The following WARS2 variants were observed in gnomAD, a reference collection of about 807,000 sequenced individuals.
WARS2 encodes the protein tryptophanyl tRNA synthetase 2, mitochondrial.
A neutral mutation model predicts 36.5 loss-of-function variants in WARS2; 28 were observed. The observed-to-expected ratio is 0.77, with a 90% CI of 0.57 to 1.05. The LOEUF (loss-of-function observed/expected upper bound fraction) is 1.05. WARS2 is among the 50% of genes least tolerant of loss of function. The pLI is 0.00. For synonymous variants in WARS2, 174 were observed against 178.4 expected, an observed-to-expected ratio of 0.98 and a Z score of 0.20; for missense variants, 435 against 456.8, an observed-to-expected ratio of 0.95 and a Z score of 0.44.
chr1:119,072,837 TC>T (rs1190464672), intron 2 of WARS2, among the ~76,000 whole-genome samples: 1 of 123,966 alleles, frequency 8.1e-6, no homozygotes, highest in Non-Finnish European at 1.8e-5. Flanking sequence ...ATGTGTGGTA[TC>T]TGCTTTGAAA....
At chr1:119,106,924 C>G (rs1001726149) in intron 1 of WARS2, among the ~76,000 whole-genome samples, 3 of 152,162 alleles carry the variant, frequency 2.0e-5, no homozygotes, top group Admixed American at 6.6e-5. Flanking sequence ...GCATTCCCAC[C>G]ATCTGTGAAT....
chr1:119,073,721 C>T (rs372255764), intron 2 of WARS2, among the ~76,000 whole-genome samples: 2 of 152,174 alleles, frequency 1.3e-5, no homozygotes, highest in East Asian at 3.8e-4. Flanking sequence ...GAAGTCTTTA[C>T]AAAGTCTCCC....
chr1:119,119,719 C>A (rs1461093116), intron 1 of WARS2, among the ~76,000 whole-genome samples: 3 of 151,992 alleles, frequency 2.0e-5, no homozygotes, highest in African/African-American at 7.2e-5. Context: ...CTCTCTCAGA[C>A]CACAGTGGAA....
intron 1 of WARS2, 132 bp downstream of exon 1, chr1:119,140,423 G>T: frequency 4.1e-6 from 3 of 739,544 alleles, no homozygotes; most frequent in Non-Finnish European, 6.6e-6. Context: ...AGTCATAGAC[G>T]AGTAGACCTT....
chr1:119,110,094 C>CAT (rs751704762), intron 1 of WARS2, among the ~76,000 whole-genome samples: 6 of 151,782 alleles, frequency 4.0e-5, no homozygotes, highest in Non-Finnish European at 8.8e-5. Flanking sequence ...CATAAATAAG[C>CAT]ATATATATAT....
chr1:119,045,344 TAACTCTGATTC>T (rs1648703236), intron 3 of WARS2, among the ~76,000 whole-genome samples: 1 of 152,200 alleles, frequency 6.6e-6, no homozygotes, highest in African/African-American at 2.4e-5. Flanking sequence ...TATCCAAAGG[TAACTCTGATTC>T]AACTGTACAC....
chr1:119,085,195 CCCT>C, intron 1 of WARS2: 1 of 816,102 alleles, frequency 1.2e-6, no homozygotes, highest in Non-Finnish European at 2.2e-6. Flanking sequence ...TCTCTTGCCT[CCCT>C]CCTGCTTGAG....
At chr1:119,140,017 G>C (rs915182118) in intron 1 of WARS2, 1 of 152,510 alleles carries the variant, frequency 6.6e-6, no homozygotes, top group Admixed American at 6.5e-5. Flanking sequence ...CAGCCTGCTA[G>C]ATAGAGCAGT....
intron 2 of WARS2, among the ~76,000 whole-genome samples, chr1:119,049,292 A>G (rs1394970610): frequency 6.6e-6 from 1 of 151,972 alleles, no homozygotes. Flanking sequence ...GGGGAAAACC[A>G]TCTCCCTTCT....
chr1:119,077,137 CA>C (rs59753812), intron 1 of WARS2, among the ~76,000 whole-genome samples: 31 of 96,848 alleles, frequency 3.2e-4, no homozygotes, highest in African/African-American at 6.0e-4. Flanking sequence ...GACCCCGTCT[CA>C]AAAAAAAAAA....
At chr1:119,134,344 A>C (rs1166629024) in intron 1 of WARS2, among the ~76,000 whole-genome samples, 3 of 148,670 alleles carry the variant, frequency 2.0e-5, no homozygotes, top group Non-Finnish European at 4.5e-5. Flanking sequence ...AAAAAAAACA[A>C]AGACAAAAAC....
chr1:119,054,811 A>G lies in WARS2; in HGVS notation c.349-9149T>C, dbSNP rs182616509. Among the ~76,000 whole-genome samples, 24 of 152,334 alleles carry G rather than the reference A, an allele frequency of 1.6e-4. No homozygotes were observed. In the East Asian group the frequency reaches 3.7e-3, roughly 23 times the overall value. ...ATAAACCAGCCACAAAAAGACCAAT[A>G]TTGTATGATTTATCTGTATGAGGTA... On this transcript the variant is annotated intron_variant, in intron 2 of 5. Transcript: ENST00000235521.
chr1:119,068,310 A>G (rs1328822422), intron 2 of WARS2, among the ~76,000 whole-genome samples: 1 of 152,212 alleles, frequency 6.6e-6, no homozygotes, highest in Admixed American at 6.5e-5. Context: ...CCTCTGAGAC[A>G]AGGGACAGTT....
chr1:119,057,040 A>C (rs1264065130), intron 2 of WARS2, among the ~76,000 whole-genome samples: 2 of 152,188 alleles, frequency 1.3e-5, no homozygotes, highest in African/African-American at 4.8e-5. Context: ...TAGTATTCTC[A>C]GTATCTTTAA....
intron 4 of WARS2, among the ~76,000 whole-genome samples, chr1:119,040,906 G>A (rs1339894586): frequency 1.3e-5 from 2 of 152,074 alleles, no homozygotes; most frequent in Non-Finnish European, 2.9e-5. Flanking sequence ...GGAGAATATT[G>A]TTCTAGCCTT....
At chr1:119,090,549 C>T (rs587757024) in intron 1 of WARS2, among the ~76,000 whole-genome samples, 14 of 152,124 alleles carry the variant, frequency 9.2e-5, no homozygotes, top group Admixed American at 3.9e-4. Context: ...TTTTAAAAAA[C>T]GCATGTCATT....
chr1:119,131,458 G>GTTTTTTTTTTTTTTTTTTTTTTTT (rs761800862), intron 1 of WARS2, among the ~76,000 whole-genome samples: 1 of 134,302 alleles, frequency 7.4e-6, no homozygotes, highest in South Asian at 2.4e-4. Context: ...AAAGTTTTTT[G>GTTTTTTTTTTTTTTTTTTTTTTTT]TTTTTTGTTT....
At chr1:119,123,953 T>C (rs1304316302) in intron 1 of WARS2, among the ~76,000 whole-genome samples, 1 of 152,316 alleles carries the variant, frequency 6.6e-6, no homozygotes, top group East Asian at 1.9e-4. Flanking sequence ...TCTAACTGCC[T>C]ACCTGACATT....
At chr1:119,100,500 C>T (rs1014761100) in intron 1 of WARS2, among the ~76,000 whole-genome samples, 1 of 152,206 alleles carries the variant, frequency 6.6e-6, no homozygotes, top group African/African-American at 2.4e-5. Context: ...CGCATGTTTA[C>T]TGCAGCACTA....
Sources: gnomAD v4.1 joint callset for allele counts (sites outside exome capture counted in the v4.1 genomes callset) on GRCh38, gnomAD v4.1.1 for gene constraint, MANE v1.5 for transcripts, NCBI Gene and HGNC (gene_info 2026-07-23, HGNC 2026-07-21) for gene names.